The following ZNF273 variants were observed in gnomAD, a reference collection of about 807,000 sequenced individuals.
ZNF273 encodes zinc finger protein 273.
Under a neutral mutation model 14.9 loss-of-function variants are expected in ZNF273, and 11 were observed. The ratio of observed to expected loss-of-function variants is 0.74; its 90% CI spans 0.46 to 1.22. The LOEUF (loss-of-function observed/expected upper bound fraction) is 1.22. Ranked by LOEUF, ZNF273 falls within the 50% of genes most tolerant of loss-of-function variation. The pLI is 0.00. For missense variants in ZNF273, 577 were observed against 660.6 expected (o/e 0.87, Z 1.39); for synonymous variants, 199 against 223.9 (o/e 0.89, Z 0.99).
chr7:64,903,879 TG>T (rs1199497975), intron 1 of ZNF273, among the ~76,000 whole-genome samples: 4 of 152,174 alleles, frequency 2.6e-5, no homozygotes, highest in Admixed American at 6.5e-5. Context: ...TTGTGGTCCA[TG>T]GGAAGGGCTT....
At chr7:64,915,090 A>G (rs1463375265) in intron 1 of ZNF273, among the ~76,000 whole-genome samples, 2 of 152,294 alleles carry the variant, frequency 1.3e-5, no homozygotes, top group East Asian at 1.9e-4. Flanking sequence ...CATGATAGTC[A>G]AGCATCTCTG....
chr7:64,901,148 G>A (rs989345882), upstream of ZNF273, among the ~76,000 whole-genome samples: 4 of 151,896 alleles, frequency 2.6e-5, no homozygotes, highest in African/African-American at 4.8e-5. Flanking sequence ...GACTACAAGC[G>A]CACGCCATCA....
chr7:64,884,644 C>T (rs1336733442), downstream of ZNF273, among the ~76,000 whole-genome samples: 1 of 152,164 alleles, frequency 6.6e-6, no homozygotes, highest in East Asian at 1.9e-4. Flanking sequence ...TCCACTGACA[C>T]CCTCCTCTGG....
At chr7:64,886,020 G>C (rs952737758) in intron 1 of ZNF273, among the ~76,000 whole-genome samples, 3 of 147,614 alleles carry the variant, frequency 2.0e-5, no homozygotes, top group African/African-American at 7.5e-5. Context: ...ACTGATACCA[G>C]AAAGGTAGCT....
At chr7:64,913,457 G>A (rs1300198645) in intron 1 of ZNF273, among the ~76,000 whole-genome samples, 2 of 152,212 alleles carry the variant, frequency 1.3e-5, no homozygotes, top group Non-Finnish European at 2.9e-5. Context: ...TCTTGAGAGT[G>A]AGAACACGGT....
downstream of ZNF273, among the ~76,000 whole-genome samples, chr7:64,935,911 A>C (rs1474677653): frequency 6.6e-6 from 1 of 152,218 alleles, no homozygotes; most frequent in East Asian, 1.9e-4. Flanking sequence ...ATAAAAAATC[A>C]ATAGCTTTGC....
chr7:64,915,334 T>C (rs187621735), intron 1 of ZNF273, among the ~76,000 whole-genome samples: 1 of 152,206 alleles, frequency 6.6e-6, no homozygotes, highest in East Asian at 1.9e-4. Context: ...CACAGAAATA[T>C]AGAGGTGTGA....
chr7:64,883,939 C>A (rs893054761), downstream of ZNF273, among the ~76,000 whole-genome samples: 2 of 152,198 alleles, frequency 1.3e-5, no homozygotes, highest in African/African-American at 4.8e-5. Flanking sequence ...AGCTGTGATA[C>A]TTTTGGAACA....
intron 1 of ZNF273, among the ~76,000 whole-genome samples, chr7:64,914,774 T>C (rs938075820): frequency 6.6e-6 from 1 of 152,178 alleles, no homozygotes; most frequent in Non-Finnish European, 1.5e-5. Context: ...GAGTTTTTCA[T>C]GTCATCTGCC....
chr7:64,927,562 T>C, intron 3 of ZNF273, 92 bp from the exon 4 acceptor site: 1 of 1,117,496 alleles, frequency 8.9e-7, no homozygotes, highest in African/African-American at 1.6e-5. Flanking sequence ...CCATCTTCCT[T>C]ATGTAGTTTG....
downstream of ZNF273, among the ~76,000 whole-genome samples, chr7:64,894,614 C>T (rs1792249924): frequency 6.6e-6 from 1 of 151,628 alleles, no homozygotes; most frequent in South Asian, 2.1e-4. Context: ...ATACTTTTTA[C>T]CTTTCTAAAA....
chr7:64,882,893 C>G (rs1255867081), downstream of ZNF273: 2 of 152,392 alleles, frequency 1.3e-5, no homozygotes, highest in Non-Finnish European at 2.9e-5. Flanking sequence ...CAGAACCGCG[C>G]TGCCTCAGAA....
chr7:64,937,167 T>A, the ZNF273 span, among the ~76,000 whole-genome samples: 1 of 152,214 alleles, frequency 6.6e-6, no homozygotes, highest in Non-Finnish European at 1.5e-5. Flanking sequence ...TAAAATACAT[T>A]AGCTTTTTAT....
At chr7:64,884,975 C>G (rs1562947387) in intron 1 of ZNF273, among the ~76,000 whole-genome samples, 1 of 152,262 alleles carries the variant, frequency 6.6e-6, no homozygotes, top group Non-Finnish European at 1.5e-5. Context: ...ACAGCCCTGA[C>G]AGCCTGGCCC....
intron 1 of ZNF273, among the ~76,000 whole-genome samples, chr7:64,914,362 A>C (rs530170067): frequency 8.2e-4 from 124 of 150,336 alleles, no homozygotes; most frequent in African/African-American, 2.9e-3. Context: ...AAAAAAAAAA[A>C]CACTATTATT....
At chr7:64,923,276 C>T (rs142166774) in intron 3 of ZNF273, 69 of 446,798 alleles carry the variant, frequency 1.5e-4, no homozygotes, top group Admixed American at 7.7e-4. Context: ...GAATATCTTC[C>T]GCTTTTTGAA....
intron 1 of ZNF273, among the ~76,000 whole-genome samples, chr7:64,885,485 G>A (rs765472688): frequency 2.0e-5 from 3 of 152,224 alleles, no homozygotes; most frequent in Non-Finnish European, 2.9e-5. Context: ...AAGTCCTCAC[G>A]TTGGTGATAT....
At chr7:64,897,623 G>A (rs1016297252) in exon 4 of ZNF273, 2 of 151,434 alleles carry the variant, frequency 1.3e-5, no homozygotes, top group Admixed American at 6.6e-5. Context: ...ACCGTGCCCA[G>A]CCAAAAAGCT....
the ZNF273 span, among the ~76,000 whole-genome samples, chr7:64,937,271 C>T: frequency 6.6e-6 from 1 of 152,140 alleles, no homozygotes; most frequent in African/African-American, 2.4e-5. Flanking sequence ...CCCACATTGA[C>T]TAATAGTGAG....
Sources: gnomAD v4.1 joint callset for allele counts (sites outside exome capture counted in the v4.1 genomes callset) on GRCh38, gnomAD v4.1.1 for gene constraint, MANE v1.5 for transcripts, NCBI Gene and HGNC (gene_info 2026-07-23, HGNC 2026-07-21) for gene names.